TRAPPC11: variants seen among roughly 807,000 people sequenced by gnomAD.
TRAPPC11 encodes the protein foie gras homolog.
Under a neutral mutation model 151.2 loss-of-function variants are expected in TRAPPC11, and 104 were observed. The observed-to-expected ratio is 0.69, with a 90% CI of 0.59 to 0.81. TRAPPC11 has a LOEUF of 0.81. Ranked by LOEUF, TRAPPC11 falls within the 30% of genes least tolerant of loss-of-function variation. The probability of loss-of-function intolerance (pLI) is 0.00; values close to 1 mark genes in which losing one functional copy is unlikely to be tolerated. For missense variants in TRAPPC11, 1,230 were observed against 1,349.6 expected (o/e 0.91, Z 1.39); for synonymous variants, 456 against 472.3 (o/e 0.97, Z 0.45).
intron 18 of TRAPPC11, among the ~76,000 whole-genome samples, chr4:183,687,645 A>G (rs1736051711): frequency 6.6e-6 from 1 of 152,078 alleles, no homozygotes; most frequent in Non-Finnish European, 1.5e-5. Context: ...TTTTTTTATA[A>G]TGTATACTTG....
intron 7 of TRAPPC11, among the ~76,000 whole-genome samples, 153 bp from the exon 8 acceptor site, chr4:183,677,305 T>G (rs1188423196): frequency 6.6e-6 from 1 of 152,226 alleles, no homozygotes; most frequent in Non-Finnish European, 1.5e-5. Flanking sequence ...ATTTAATAAC[T>G]AATGGCTCAT....
chr4:183,668,386 C>G (rs2111308971), intron 5 of TRAPPC11, among the ~76,000 whole-genome samples: 1 of 152,270 alleles, frequency 6.6e-6, no homozygotes, highest in East Asian at 1.9e-4. Flanking sequence ...TTTATAGTAT[C>G]CATACCACAC....
Position 183,693,106 on chromosome 4 carries a change from T to A in TRAPPC11, c.2196T>A (p.Asn732Lys). 1 of 1,612,036 alleles carries A rather than the reference T, an allele frequency of 6.2e-7. No individual in the cohort carries two copies. Among genetic ancestry groups the A allele is most frequent in the Non-Finnish European group, 8.5e-7 (1 of 1,178,706 alleles). The change falls in exon 20 of 30, where the codon AAT becomes AAA. Residue 732 changes from asparagine (N) to lysine (K), a missense_variant. Transcript: ENST00000334690. ...SFKRRPKLPDNEVHWDSIIIQ... is the reference protein window; with the variant it reads ...SFKRRPKLPDKEVHWDSIIIQ... ...AAAGGCGACCTAAGCTACCTGACAA[T>A]GAAGTTCACTGGGACAGCATTATAA...
rs138736992 is a variant in TRAPPC11, at chr4:183,675,269, A to C, written c.734+32A>C. ...TAAGCTTTCAAACTAAATGTTTCCT[A>C]TTTTTATATTAACAATAACATGTGA... On this transcript the variant is annotated intron_variant, in intron 7 of 29. Coordinates refer to ENST00000334690, the MANE Select transcript of TRAPPC11 (RefSeq NM_021942.6). The C allele has an allele frequency of 6.2e-5, 83 of 1,333,052 alleles. No homozygotes were observed. The African/African-American group carries it at 1.1e-3, about 18-fold the overall frequency. 82.6% of individuals were successfully genotyped at this position (1,333,052 alleles called of 1,614,324 possible).
intron 26 of TRAPPC11, among the ~76,000 whole-genome samples, chr4:183,704,547 C>T (rs937815442): frequency 4.0e-5 from 6 of 148,402 alleles, no homozygotes; most frequent in Non-Finnish European, 5.9e-5. Flanking sequence ...ATTGGCCAGG[C>T]GCATGCCTGT....
chr4:183,709,762 G>A (rs554541956), intron 29 of TRAPPC11, among the ~76,000 whole-genome samples: 2 of 152,258 alleles, frequency 1.3e-5, no homozygotes, highest in Non-Finnish European at 2.9e-5. Context: ...GCAACAGAGC[G>A]AGACACTGTC....
At chr4:183,672,114 T>C (rs1260680913) in intron 5 of TRAPPC11, among the ~76,000 whole-genome samples, 1 of 152,210 alleles carries the variant, frequency 6.6e-6, no homozygotes, top group Non-Finnish European at 1.5e-5. Flanking sequence ...CACAGAGCAC[T>C]GCAAGTGTAA....
intron 27 of TRAPPC11, among the ~76,000 whole-genome samples, chr4:183,706,260 A>C (rs1737059605): frequency 6.6e-6 from 1 of 152,250 alleles, no homozygotes; most frequent in South Asian, 2.1e-4. Flanking sequence ...GCGGTGGCTC[A>C]CGCCTGTAAT....
In TRAPPC11 at chr4:183,712,649, C is replaced by T. The variant is rs1225912958; in HGVS notation, c.*5C>T. 6.2e-7 allele frequency: 1 copy of T among 1,613,986 alleles called. No homozygotes were observed. Among genetic ancestry groups the T allele is most frequent in the African/African-American group, 1.3e-5 (1 of 74,908 alleles). The stretch of plus-strand genomic sequence containing the variant: ...ACCTCTATTGCTGCTGCATGATGTT[C>T]AAGACCGGCCCTTGGCTGTTGTTAC... On this transcript the variant is annotated 3_prime_UTR_variant, in exon 30 of 30. Transcript: ENST00000334690.
intron 5 of TRAPPC11, among the ~76,000 whole-genome samples, chr4:183,671,652 C>T (rs1735164277): frequency 6.6e-6 from 1 of 152,226 alleles, no homozygotes; most frequent in Non-Finnish European, 1.5e-5. Flanking sequence ...AAATCTGCAT[C>T]TATAACTTAG....
intron 20 of TRAPPC11, 113 bp downstream of exon 20, chr4:183,693,260 C>T (rs1414830442): frequency 2.7e-5 from 28 of 1,042,964 alleles, no homozygotes; most frequent in South Asian, 3.6e-5. Flanking sequence ...GGTGTGATCA[C>T]GACTCACTGT....
At chr4:183,697,252 A>G (rs1415924636) in intron 23 of TRAPPC11, among the ~76,000 whole-genome samples, 1 of 152,026 alleles carries the variant, frequency 6.6e-6, no homozygotes, top group African/African-American at 2.4e-5. Flanking sequence ...TCGAGGCTGC[A>G]GTGATCTGTG....
intron 11 of TRAPPC11, among the ~76,000 whole-genome samples, chr4:183,683,408 C>A (rs747503712): frequency 2.6e-5 from 4 of 152,174 alleles, no homozygotes; most frequent in African/African-American, 9.7e-5. Context: ...TGCCTGTAAT[C>A]CCAGCGCTTT....
chr4:183,663,282 A>G (rs573128094), intron 1 of TRAPPC11, among the ~76,000 whole-genome samples: 7 of 151,996 alleles, frequency 4.6e-5, no homozygotes, highest in East Asian at 3.9e-4. Flanking sequence ...CATCCAGGCT[A>G]GAGTGCAGTG....
chr4:183,689,033 G>T (rs1224687233), intron 18 of TRAPPC11, among the ~76,000 whole-genome samples: 2 of 152,160 alleles, frequency 1.3e-5, no homozygotes, highest in Non-Finnish European at 2.9e-5. Context: ...GAGCCATCAT[G>T]CCTGGCCCAG....
chr4:183,713,135 T>C lies in TRAPPC11; in HGVS notation c.*491T>C, dbSNP rs148811548. ...ACAACATAGGGAGTTGTATGACTGA[T>C]ACGGAAAACTTCCAGAAAGTTTTAA... On this transcript the variant is annotated 3_prime_UTR_variant, in exon 30 of 30. Transcript: ENST00000334690. 6.5e-6 allele frequency: 1 copy of C among 153,168 alleles called. No homozygotes were observed. The highest frequency in any genetic ancestry group is 2.4e-5 in the African/African-American group (1 of 41,612). The allele number at this position is 153,168 out of a possible 1,614,324, so 9.5% of individuals were successfully genotyped here.
chr4:183,679,424 G>A lies in TRAPPC11; in HGVS notation c.903G>A (p.Leu301=). The part of the protein sequence containing the change: ...AIAQFRKHID[L]CKKKIGSAEL... ...CTCAGTTCCGAAAACACATCGACTT[G>A]TGTAAGAAAAAGATTGGAAGTGCAG... Residue 301 remains leucine, a synonymous_variant, in exon 9 of 30, where the codon TTG becomes TTA. Coordinates refer to ENST00000334690, the MANE Select transcript of TRAPPC11 (RefSeq NM_021942.6). 6.2e-7 allele frequency: 1 copy of A among 1,613,098 alleles called. No individual in the cohort carries two copies.
intron 25 of TRAPPC11, chr4:183,700,737 T>A (rs1561059743): frequency 1.3e-5 from 2 of 152,194 alleles, no homozygotes; most frequent in Non-Finnish European, 2.9e-5. Flanking sequence ...TGTTTCAGAT[T>A]TCGGGTTTTT....
intron 23 of TRAPPC11, among the ~76,000 whole-genome samples, chr4:183,696,697 C>G (rs1175936294): frequency 5.3e-5 from 8 of 152,126 alleles, no homozygotes; most frequent in African/African-American, 1.4e-4. Context: ...GCCCACCCCC[C>G]CATTGTTTTT....
Sources: allele counts gnomAD v4.1 joint callset (sites outside exome capture counted in the v4.1 genomes callset), GRCh38; gene constraint gnomAD v4.1.1; transcripts MANE v1.5; gene names NCBI Gene and HGNC (gene_info 2026-07-23, HGNC 2026-07-21).